Variants in CLCN1 observed in about 807,000 individuals in gnomAD.
The protein encoded by CLCN1 is chloride voltage-gated channel 1, also known as chloride channel protein 1.
A neutral mutation model predicts 114.5 loss-of-function variants in CLCN1; 100 were observed. That is an observed-to-expected ratio of 0.87 (90% CI 0.74 to 1.03). The LOEUF (loss-of-function observed/expected upper bound fraction) is 1.03. Among genes scored for constraint, CLCN1 ranks in the 50% least tolerant of loss-of-function variants. CLCN1 has a pLI of 0.00. For synonymous variants in CLCN1, 485 were observed against 487.1 expected (o/e 1.00, Z 0.06); for missense variants, 1,188 against 1,250.0 (o/e 0.95, Z 0.75).
At chr7:143,322,575 T>G (rs1206323065) in intron 5 of CLCN1, among the ~76,000 whole-genome samples, 2 of 152,220 alleles carry the variant, frequency 1.3e-5, no homozygotes, top group Admixed American at 1.3e-4. Flanking sequence ...CAAGCTGGAG[T>G]GCAGTGGTGC....
chr7:143,334,299 C>T (rs1014044368), intron 12 of CLCN1, among the ~76,000 whole-genome samples: 2 of 151,952 alleles, frequency 1.3e-5, no homozygotes, highest in African/African-American at 2.4e-5. Context: ...CTAAATAACA[C>T]AACACTTTCC....
At chr7:143,316,758 A>G (rs1802300781) in intron 1 of CLCN1, among the ~76,000 whole-genome samples, 1 of 152,312 alleles carries the variant, frequency 6.6e-6, no homozygotes, top group African/African-American at 2.4e-5. Flanking sequence ...ACCCTCACCC[A>G]CAGGTAGACA....
intron 5 of CLCN1, among the ~76,000 whole-genome samples, chr7:143,322,186 C>G (rs545020499): frequency 1.3e-5 from 2 of 152,330 alleles, no homozygotes; most frequent in South Asian, 2.1e-4. Flanking sequence ...CCAGCTGCAT[C>G]GCCCAGTTGT....
At position 143,351,831 on chromosome 7, in the gene CLCN1, G is replaced by A. The variant is rs774199742; in HGVS notation, c.2833G>A (p.Gly945Ser). Residue 945 changes from glycine to serine, a missense_variant, in exon 23 of 23, where the codon GGC (glycine) becomes AGC (serine). Physicochemically the swap from Gly to Ser is moderately conservative, Grantham distance 56. Transcript: ENST00000343257. ...SPEPPLSLAP[G>S]KVEGELEELE... ...AGAGCCCCCTCTCTCCCTGGCCCCA[G>A]GCAAGGTAGAGGGCGAGTTGGAGGA... 2.7e-5 allele frequency: 44 copies of A among 1,613,864 alleles called. No individual in the cohort carries two copies. In the Admixed American group the frequency reaches 5.3e-4, roughly 20 times the overall value.
At chr7:143,348,084 A>G (rs1803305398) in intron 20 of CLCN1, among the ~76,000 whole-genome samples, 1 of 152,222 alleles carries the variant, frequency 6.6e-6, no homozygotes, top group African/African-American at 2.4e-5. Flanking sequence ...TTAAATGAAC[A>G]TCTTATTGGA....
At chr7:143,346,291 G>C in intron 18 of CLCN1, 40 bp downstream of exon 18, 1 of 1,370,238 alleles carries the variant, frequency 7.3e-7, no homozygotes. Flanking sequence ...CACCCCTTGT[G>C]GGTTCTCTCT....
At position 143,328,411 on chromosome 7, in the gene CLCN1, C is replaced by T. The variant is rs951310581; in HGVS notation, c.854-2361C>T. Among the ~76,000 whole-genome samples the T allele has an allele frequency of 1.2e-4, 18 of 152,168 alleles. No homozygotes were observed. The South Asian group carries it at 1.7e-3, about 14-fold the overall frequency. ...TTCCAGAACCTGAGCAGAGAGCTTC[C>T]GAAAGCTGTTTTTGTTTTTAATGCT... On this transcript the variant is annotated intron_variant, in intron 7 of 22. Coordinates refer to ENST00000343257, the MANE Select transcript of CLCN1 (RefSeq NM_000083.3).
At chr7:143,349,370 G>C (rs1467250551) in intron 20 of CLCN1, among the ~76,000 whole-genome samples, 1 of 152,198 alleles carries the variant, frequency 6.6e-6, no homozygotes, top group Non-Finnish European at 1.5e-5. Context: ...CTACACACCA[G>C]ATCCTAAACC....
intron 16 of CLCN1, 28 bp downstream of exon 16, chr7:143,342,533 A>T (rs775569609): frequency 1.2e-5 from 19 of 1,613,346 alleles, no homozygotes; most frequent in East Asian, 2.2e-5. Context: ...AGTCGACTCC[A>T]GAGCTAGTGA....
chr7:143,316,197 C>T lies in CLCN1; in HGVS notation c.-16C>T. Reference sequence around the variant, plus strand: ...CAAGCAGGCCAAGGCCTGGCCGGGGCTCGGGGGGAGGGAATATGGAGCAAT... The same window carrying T: ...CAAGCAGGCCAAGGCCTGGCCGGGGTTCGGGGGGAGGGAATATGGAGCAAT... On this transcript the variant is annotated 5_prime_UTR_variant, in exon 1 of 23. Transcript: ENST00000343257. The T allele has an allele frequency of 6.2e-7, 1 of 1,607,310 alleles. No homozygotes were observed. Among genetic ancestry groups the T allele is most frequent in the Non-Finnish European group, 8.5e-7 (1 of 1,176,166 alleles).
chr7:143,342,514 G>T lies in CLCN1; in HGVS notation c.1930+9G>T. The T allele has an allele frequency of 6.2e-7, 1 of 1,614,088 alleles. No homozygotes were observed. ...ACTGGTTGACTCAAAAGGTCAGTGG[G>T]GAGGAAGAAGTCGACTCCAGAGCTA... On this transcript the variant is annotated intron_variant, in intron 16 of 22. Coordinates refer to ENST00000343257, the MANE Select transcript of CLCN1 (RefSeq NM_000083.3).
chr7:143,339,644 T>C lies in CLCN1; in HGVS notation c.1582+23T>C. The stretch of plus-strand genomic sequence containing the variant: ...TTGGTGAGAAACATTCCCACTTCCC[T>C]GTAATCAAACATTGAGTACTTCAGA... On this transcript the variant is annotated intron_variant, in intron 14 of 22. Transcript: ENST00000343257. The surrounding 1 kb of genome is among the most constrained non-coding windows in gnomAD (Gnocchi z 4.1). 7.0e-7 allele frequency: 1 copy of C among 1,419,948 alleles called. No homozygotes were observed. Among genetic ancestry groups the C allele is most frequent in the Non-Finnish European group, 1.0e-6 (1 of 1,002,892 alleles). The allele number at this position is 1,419,948 out of a possible 1,614,324, so 88.0% of individuals were successfully genotyped here. A position where few individuals can be genotyped will look rare whatever the true frequency, so the allele number is the denominator to read the frequency against.
chr7:143,323,226 G>A (rs959156670), intron 5 of CLCN1, 83 bp from the exon 6 acceptor site: 36 of 816,940 alleles, frequency 4.4e-5, no homozygotes, highest in Non-Finnish European at 6.5e-5. Context: ...AGTGCCTGGA[G>A]TAAGGAATAT....
rs778939630 is a variant in CLCN1 at position 143,351,668 on chromosome 7, G to T, written c.2670G>T (p.Thr890=). ...CTCCCCTTGCCAGCTTCCGGAACACGACTTCAACTCGAAAGAGTACCGGGG... is the reference window on the plus strand; with the variant it reads ...CTCCCCTTGCCAGCTTCCGGAACACTACTTCAACTCGAAAGAGTACCGGGG... The part of the protein sequence containing the change: ...LRPPLASFRN[T]TSTRKSTGAP... The change falls in exon 23 of 23, where the codon ACG becomes ACT. Residue 890 remains threonine (T), a synonymous_variant. Coordinates refer to ENST00000343257, the MANE Select transcript of CLCN1 (RefSeq NM_000083.3). 6.2e-7 allele frequency: 1 copy of T among 1,614,140 alleles called. No individual in the cohort carries two copies. The highest frequency in any genetic ancestry group is 8.5e-7 in the Non-Finnish European group (1 of 1,180,026).
Position 143,350,705 on chromosome 7 carries a change from A to AT in CLCN1, c.2595+52dup. The AT allele has an allele frequency of 7.5e-7, 1 of 1,341,922 alleles. No individual in the cohort carries two copies. Among genetic ancestry groups the AT allele is most frequent in the Non-Finnish European group, 1.1e-6 (1 of 933,172 alleles). The allele number at this position is 1,341,922 out of a possible 1,614,324, so 83.1% of individuals were successfully genotyped here. ...CAGCAGGAGGGAGGCTGGGCATAGG[A>AT]TAAGGGGATGCAGTGGGGACAGAAG... is the stretch of plus-strand genomic sequence containing the variant. On this transcript the variant is annotated intron_variant, in intron 22 of 22. Transcript: ENST00000343257. This position sits in a 1 kb window ranked among gnomAD's most constrained non-coding sequence, Gnocchi z 5.1.
intron 16 of CLCN1, among the ~76,000 whole-genome samples, chr7:143,343,255 CT>C (rs1803137616): frequency 6.6e-6 from 1 of 152,240 alleles, no homozygotes; most frequent in Non-Finnish European, 1.5e-5. Context: ...TCACAGCCTT[CT>C]TGCACTAGGA....
intron 16 of CLCN1, among the ~76,000 whole-genome samples, chr7:143,343,818 TTCTC>T (rs1803155117): frequency 6.6e-6 from 1 of 150,674 alleles, no homozygotes; most frequent in Admixed American, 6.6e-5. Context: ...CCCTCTCTCT[TTCTC>T]TCTCTCTCTT....
chr7:143,316,660 C>T (rs1307142358), intron 1 of CLCN1, among the ~76,000 whole-genome samples: 2 of 152,200 alleles, frequency 1.3e-5, no homozygotes, highest in African/African-American at 4.8e-5. Context: ...CAGAGCCTCA[C>T]ATGCATGAAT....
chr7:143,318,779 G>C (rs1278437709), intron 1 of CLCN1, among the ~76,000 whole-genome samples: 1 of 152,138 alleles, frequency 6.6e-6, no homozygotes, highest in Non-Finnish European at 1.5e-5. Flanking sequence ...TCTCTCTCTG[G>C]GTCCCACGCA....
Sources: allele counts gnomAD v4.1 joint callset (sites outside exome capture counted in the v4.1 genomes callset), GRCh38; gene constraint gnomAD v4.1.1; non-coding constraint Gnocchi (gnomAD v3.1); transcripts MANE v1.5; gene names NCBI Gene and HGNC (gene_info 2026-07-23, HGNC 2026-07-21).